POU6F2: variants seen among roughly 807,000 people sequenced by gnomAD.
POU6F2 encodes POU domain, class 6, transcription factor 2.
Under a neutral mutation model 71.3 loss-of-function variants are expected in POU6F2, and 31 were observed. The ratio of observed to expected loss-of-function variants is 0.43; its 90% confidence interval spans 0.33 to 0.59. The LOEUF (loss-of-function observed/expected upper bound fraction) is 0.59. POU6F2 is among the 20% of genes least tolerant of loss of function. The probability of loss-of-function intolerance (pLI) is 0.04; values close to 1 mark genes in which losing one functional copy is unlikely to be tolerated. For synonymous variants in POU6F2, 347 were observed against 355.7 expected, an observed-to-expected ratio of 0.98 and a Z score of 0.27; for missense variants, 783 against 856.8, an observed-to-expected ratio of 0.91 and a Z score of 1.07.
intron 5 of POU6F2, among the ~76,000 whole-genome samples, chr7:39,379,098 C>G (rs1029495173): frequency 6.6e-6 from 1 of 152,000 alleles, no homozygotes; most frequent in African/African-American, 2.4e-5. Context: ...AAGAGAGGAG[C>G]CAGGCCTGAA....
intron 4 of POU6F2, among the ~76,000 whole-genome samples, chr7:39,309,314 G>A (rs1785112295): frequency 6.6e-6 from 1 of 152,216 alleles, no homozygotes; most frequent in Non-Finnish European, 1.5e-5. Flanking sequence ...GGTAGACTGA[G>A]GTGGATGGAA....
intron 2 of POU6F2, among the ~76,000 whole-genome samples, chr7:39,181,043 G>A (rs1241694943): frequency 6.6e-6 from 1 of 152,216 alleles, no homozygotes; most frequent in Non-Finnish European, 1.5e-5. Flanking sequence ...ATTCAGGGTA[G>A]AGAAAAACAG....
At chr7:39,011,021 C>A (rs1273996594) in intron 1 of POU6F2, among the ~76,000 whole-genome samples, 1 of 137,980 alleles carries the variant, frequency 7.2e-6, no homozygotes, top group South Asian at 2.7e-4. Flanking sequence ...GTGGAGAGTT[C>A]TGTAGATGTC....
At chr7:39,221,370 A>T (rs1794354327) in intron 4 of POU6F2, among the ~76,000 whole-genome samples, 1 of 147,982 alleles carries the variant, frequency 6.8e-6, no homozygotes, top group African/African-American at 2.5e-5. Flanking sequence ...CAGAATCTAA[A>T]ATTCTCTCTC....
intron 1 of POU6F2, among the ~76,000 whole-genome samples, chr7:39,052,495 T>C (rs1790418992): frequency 6.6e-6 from 1 of 151,942 alleles, no homozygotes; most frequent in African/African-American, 2.4e-5. Flanking sequence ...TACCAGACAC[T>C]TATAAAACCA....
At chr7:39,381,637 C>G (rs1291177945) in intron 5 of POU6F2, among the ~76,000 whole-genome samples, 1 of 152,178 alleles carries the variant, frequency 6.6e-6, no homozygotes, top group Non-Finnish European at 1.5e-5. Flanking sequence ...AAGCAACTTT[C>G]AAGAGAACCC....
At chr7:39,144,613 A>G (rs1267628697) in intron 2 of POU6F2, among the ~76,000 whole-genome samples, 1 of 152,166 alleles carries the variant, frequency 6.6e-6, no homozygotes, top group East Asian at 1.9e-4. Flanking sequence ...AAGTACCCAT[A>G]ATTCATCTAT....
intron 6 of POU6F2, among the ~76,000 whole-genome samples, chr7:39,409,589 C>T (rs1331908348): frequency 2.0e-5 from 3 of 152,206 alleles, no homozygotes; most frequent in Non-Finnish European, 2.9e-5. Context: ...GAGGCAGCCA[C>T]GAGACATACC....
At chr7:39,158,839 C>A (rs1441129183) in intron 2 of POU6F2, among the ~76,000 whole-genome samples, 3 of 152,118 alleles carry the variant, frequency 2.0e-5, no homozygotes, top group Non-Finnish European at 4.4e-5. Context: ...TACCAGCTAT[C>A]TGGGTATTCC....
intron 2 of POU6F2, among the ~76,000 whole-genome samples, chr7:39,157,179 T>A (rs1792887817): frequency 6.6e-6 from 1 of 152,188 alleles, no homozygotes; most frequent in African/African-American, 2.4e-5. Flanking sequence ...TAAGGCCTGG[T>A]GCATATAATG....
chr7:39,459,121 C>T (rs911504634), intron 8 of POU6F2, among the ~76,000 whole-genome samples: 1 of 152,230 alleles, frequency 6.6e-6, no homozygotes, highest in Non-Finnish European at 1.5e-5. Flanking sequence ...ACTGCCCCTC[C>T]CTCCATTCCA....
intron 2 of POU6F2, among the ~76,000 whole-genome samples, chr7:39,161,681 G>A (rs991092443): frequency 6.6e-6 from 1 of 152,182 alleles, no homozygotes; most frequent in Non-Finnish European, 1.5e-5. Context: ...CTATTGGTCA[G>A]TGACAGGCAC....
intron 1 of POU6F2, among the ~76,000 whole-genome samples, chr7:39,043,708 G>T (rs73120482): frequency 4.6e-4 from 70 of 152,048 alleles, no homozygotes; most frequent in Non-Finnish European, 8.7e-4. Context: ...AGTAATCAAG[G>T]AGTTGTTATT....
At chr7:39,293,790 A>G (rs1784804565) in intron 4 of POU6F2, among the ~76,000 whole-genome samples, 1 of 152,144 alleles carries the variant, frequency 6.6e-6, no homozygotes, top group Non-Finnish European at 1.5e-5. Context: ...TTAAAGTCCA[A>G]CTCTTTCTCA....
At position 39,098,381 on chromosome 7, in the gene POU6F2, C is replaced by T. The variant is rs187393650; in HGVS notation, c.277+12350C>T. Among the ~76,000 whole-genome samples the T allele has an allele frequency of 7.3e-4, 111 of 152,126 alleles. No individual in the cohort carries two copies. The Middle Eastern group carries it at 0.01, about 14-fold the overall frequency. On this transcript the variant is annotated intron_variant, in intron 2 of 9. Transcript: ENST00000518318. ...CTCAATCTCCTGGGCTCAAGCGATCCTCCCACCTCAGCCTCCTGAGTAGCT... is the reference window on the plus strand; with the variant it reads ...CTCAATCTCCTGGGCTCAAGCGATCTTCCCACCTCAGCCTCCTGAGTAGCT...
chr7:39,420,454 G>C (rs1162605139), intron 6 of POU6F2, among the ~76,000 whole-genome samples: 1 of 152,136 alleles, frequency 6.6e-6, no homozygotes, highest in African/African-American at 2.4e-5. Context: ...TGCCCCTCTA[G>C]GCTCACATGG....
At chr7:39,320,252 G>C (rs75899609) in intron 4 of POU6F2, among the ~76,000 whole-genome samples, 1 of 152,072 alleles carries the variant, frequency 6.6e-6, no homozygotes, top group South Asian at 2.1e-4. Context: ...CTGAATCTCC[G>C]TCAGAAGACC....
chr7:39,225,410 C>T (rs1447108127), intron 4 of POU6F2, among the ~76,000 whole-genome samples: 1 of 152,172 alleles, frequency 6.6e-6, no homozygotes, highest in Non-Finnish European at 1.5e-5. Flanking sequence ...GTTGAACTCT[C>T]ATAACAAAAG....
intron 4 of POU6F2, among the ~76,000 whole-genome samples, chr7:39,309,339 T>C (rs1785112805): frequency 6.6e-6 from 1 of 152,246 alleles, no homozygotes; most frequent in African/African-American, 2.4e-5. Context: ...ATTTGCTCTC[T>C]GTCCTCTCTC....
Sources: allele counts gnomAD v4.1 joint callset (sites outside exome capture counted in the v4.1 genomes callset), GRCh38; gene constraint gnomAD v4.1.1; transcripts MANE v1.5; gene names NCBI Gene and HGNC (gene_info 2026-07-23, HGNC 2026-07-21).